Variants in AACS observed in about 807,000 individuals in gnomAD.
The protein encoded by AACS is acetoacetate-CoA ligase.
A neutral mutation model predicts 83.1 loss-of-function variants in AACS; 69 were observed. That is an observed-to-expected ratio of 0.83 (90% CI 0.68 to 1.01). The LOEUF (loss-of-function observed/expected upper bound fraction) is 1.01. Ranked by LOEUF, AACS falls within the 50% of genes least tolerant of loss-of-function variation. The probability of loss-of-function intolerance (pLI) is 0.00; values close to 1 mark genes in which losing one functional copy is unlikely to be tolerated. For synonymous variants in AACS, 333 were observed against 343.4 expected (o/e 0.97, Z 0.33); for missense variants, 866 against 882.2 (o/e 0.98, Z 0.23).
intron 8 of AACS, 118 bp downstream of exon 8, chr12:125,107,386 C>T: frequency 7.5e-7 from 1 of 1,331,086 alleles, no homozygotes; most frequent in Non-Finnish European, 1.0e-6. Flanking sequence ...CCGGAGAGTC[C>T]AACGTGCAGC....
intron 9 of AACS, among the ~76,000 whole-genome samples, chr12:125,114,781 T>A (rs1957023684): frequency 6.6e-6 from 1 of 150,924 alleles, no homozygotes; most frequent in African/African-American, 2.4e-5. Flanking sequence ...TGGCACATGT[T>A]AAGGGCTTCC....
At chr12:125,116,802 TGTTTC>T (rs1175938380) in intron 9 of AACS, among the ~76,000 whole-genome samples, 1 of 152,108 alleles carries the variant, frequency 6.6e-6, no homozygotes, top group Non-Finnish European at 1.5e-5. Flanking sequence ...TGGTGGCAGT[TGTTTC>T]ATGTCCTGCA....
chr12:125,068,343 C>T (rs1955761393), intron 1 of AACS, among the ~76,000 whole-genome samples: 1 of 152,126 alleles, frequency 6.6e-6, no homozygotes, highest in Admixed American at 6.6e-5. Flanking sequence ...CCTGTAGTCC[C>T]AGCTACTCTG....
At chr12:125,142,043 T>C (rs1565960318) in intron 17 of AACS, 49 bp from the exon 18 acceptor site, 3 of 1,608,896 alleles carry the variant, frequency 1.9e-6, no homozygotes, top group Admixed American at 1.7e-5. Context: ...CTGCGGATTT[T>C]CCCCCCTTCA....
intron 9 of AACS, among the ~76,000 whole-genome samples, chr12:125,116,155 T>C (rs998662519): frequency 7.9e-5 from 12 of 151,684 alleles, no homozygotes; most frequent in African/African-American, 2.7e-4. Flanking sequence ...GTGTGCTGGG[T>C]CCTTTCTGAA....
intron 14 of AACS, among the ~76,000 whole-genome samples, chr12:125,133,377 C>G (rs1957354795): frequency 6.6e-6 from 1 of 152,208 alleles, no homozygotes; most frequent in Admixed American, 6.5e-5. Context: ...CTTCTCTGAA[C>G]AGCTGCACAT....
chr12:125,114,533 T>C lies in AACS; in HGVS notation c.972T>C (p.Ser324=), dbSNP rs776143821. The C allele has an allele frequency of 6.2e-7, 1 of 1,612,636 alleles. No homozygotes were observed. The highest frequency in any genetic ancestry group is 1.7e-5 in the Admixed American group (1 of 59,928). The part of the protein sequence containing the change: ...EHLLHGNMTS[S]DILLCYTTVG... ...TGCTGCACGGCAACATGACCAGCAG[T>C]GACATCCTCCTGTGCTACACCACGG... The change falls in exon 9 of 18, where the codon AGT becomes AGC. Residue 324 remains serine (S), a synonymous_variant. Transcript: ENST00000316519.
chr12:125,099,956 G>A (rs569373583), intron 5 of AACS, among the ~76,000 whole-genome samples: 13 of 152,334 alleles, frequency 8.5e-5, no homozygotes, highest in East Asian at 1.9e-4. Flanking sequence ...GATTACAGGC[G>A]TGAGCCACTG....
chr12:125,117,177 T>C (rs1218225109), intron 9 of AACS, among the ~76,000 whole-genome samples: 1 of 151,840 alleles, frequency 6.6e-6, no homozygotes, highest in East Asian at 1.9e-4. Flanking sequence ...TTTGGGAGGA[T>C]GAGGTAGGTG....
chr12:125,080,404 G>A (rs986650729), intron 3 of AACS, among the ~76,000 whole-genome samples: 1 of 152,086 alleles, frequency 6.6e-6, no homozygotes, highest in African/African-American at 2.4e-5. Flanking sequence ...TCCTAGTGAT[G>A]ACATAAGCCA....
chr12:125,111,641 T>C (rs1037825654), intron 8 of AACS, among the ~76,000 whole-genome samples: 6 of 152,208 alleles, frequency 3.9e-5, no homozygotes, highest in Admixed American at 6.5e-5. Context: ...CTAGGGCTGC[T>C]CGTAATCTTC....
chr12:125,087,278 C>T (rs1439832911), intron 4 of AACS, among the ~76,000 whole-genome samples: 9 of 152,156 alleles, frequency 5.9e-5, no homozygotes, highest in Non-Finnish European at 7.4e-5. Flanking sequence ...TTTGTCTTCC[C>T]ACTCTGGGCC....
At chr12:125,111,539 C>T (rs1349705048) in intron 8 of AACS, among the ~76,000 whole-genome samples, 1 of 152,208 alleles carries the variant, frequency 6.6e-6, no homozygotes, top group Non-Finnish European at 1.5e-5. Flanking sequence ...TGGGCTCTTG[C>T]ATCTCTGGAG....
At chr12:125,076,733 AATTAAGATTTCTGTCGACTTT>A in intron 3 of AACS, 122 bp downstream of exon 3, 1 of 1,450,426 alleles carries the variant, frequency 6.9e-7, no homozygotes, top group Non-Finnish European at 9.3e-7. Context: ...TTTCTGATGT[AATTAAGATTTCTGTCGACTTT>A]ATTTTTGCTG....
In AACS at chr12:125,097,813, C is replaced by A. The variant is rs1004110122; in HGVS notation, c.571-4866C>A. On this transcript the variant is annotated intron_variant, in intron 5 of 17. Transcript: ENST00000316519. The surrounding 1 kb of genome is among the most constrained non-coding windows in gnomAD (Gnocchi z 4.3). ...CCCCGCCACTACAACCCTGCCAAAC[C>A]AGGAGCTCGGGCTGTGCGCCACACC... is the stretch of plus-strand genomic sequence containing the variant. Among the ~76,000 whole-genome samples, 1 of 152,192 alleles carries A rather than the reference C, an allele frequency of 6.6e-6. No individual in the cohort carries two copies. Among genetic ancestry groups the A allele is most frequent in the African/African-American group, 2.4e-5 (1 of 41,452 alleles).
In AACS at chr12:125,113,647, G is replaced by C. The variant is rs1230366968; in HGVS notation, c.916-830G>C. ...CGGCATGCCAAGGAAGAGCTCCCAG[G>C]TGTGCTGTTAGGTGGAAAAGGCAAA... On this transcript the variant is annotated intron_variant, in intron 8 of 17. Transcript: ENST00000316519. This position sits in a 1 kb window ranked among gnomAD's most constrained non-coding sequence, Gnocchi z 4.8. Among the ~76,000 whole-genome samples, 1 of 152,236 alleles carries C rather than the reference G, an allele frequency of 6.6e-6. No homozygotes were observed. The highest frequency in any genetic ancestry group is 2.4e-5 in the African/African-American group (1 of 41,460).
intron 3 of AACS, chr12:125,078,337 A>G: frequency 2.2e-6 from 1 of 456,158 alleles, no homozygotes; most frequent in Non-Finnish European, 4.4e-6. Flanking sequence ...GTGAAGAGCC[A>G]TGGAGCAACG....
intron 8 of AACS, 102 bp downstream of exon 8, chr12:125,107,370 C>T: frequency 6.8e-7 from 1 of 1,472,540 alleles, no homozygotes; most frequent in Non-Finnish European, 9.2e-7. Context: ...AAACTGCACC[C>T]CATCCCCGGA....
At chr12:125,134,956 T>C in intron 16 of AACS, 104 bp downstream of exon 16, 1 of 1,324,642 alleles carries the variant, frequency 7.5e-7, no homozygotes. Flanking sequence ...GGCCCCTTGT[T>C]CTCTGGTGTG....
Sources: gnomAD v4.1 joint callset for allele counts (sites outside exome capture counted in the v4.1 genomes callset) on GRCh38, gnomAD v4.1.1 for gene constraint, Gnocchi (gnomAD v3.1) non-coding constraint, MANE v1.5 for transcripts, NCBI Gene and HGNC (gene_info 2026-07-23, HGNC 2026-07-21) for gene names.